ENPEP: variants seen among roughly 807,000 people sequenced by gnomAD.
ENPEP encodes AP-A.
In ENPEP, 103 loss-of-function variants were observed where a neutral mutation model predicts 114.5. That is an observed-to-expected ratio of 0.90 (90% CI 0.77 to 1.06). The LOEUF is 1.06. Ranked by LOEUF, ENPEP falls within the 50% of genes least tolerant of loss-of-function variation. ENPEP has a pLI of 0.00. For missense variants in ENPEP, 1,196 were observed against 1,161.3 expected (o/e 1.03, Z -0.43); for synonymous variants, 420 against 422.0 (o/e 1.00, Z 0.06).
intron 1 of ENPEP, among the ~76,000 whole-genome samples, chr4:110,481,225 A>G (rs1013204736): frequency 2.0e-5 from 3 of 151,666 alleles, no homozygotes; most frequent in African/African-American, 7.3e-5. Context: ...TCTGTTTTGG[A>G]TTTTGTTTTT....
chr4:110,497,962 A>T (rs1005840638), intron 3 of ENPEP, among the ~76,000 whole-genome samples: 13 of 152,366 alleles, frequency 8.5e-5, no homozygotes, highest in Middle Eastern at 3.4e-3. Flanking sequence ...TGGCATGTTC[A>T]GTAATACCAG....
At chr4:110,533,040 A>G (rs976811138) in intron 11 of ENPEP, 4 of 446,954 alleles carry the variant, frequency 8.9e-6, no homozygotes, top group Non-Finnish European at 1.8e-5. Context: ...TTTTCAGTGG[A>G]TTTGGTTTAA....
chr4:110,480,695 C>A (rs957561941), intron 1 of ENPEP, among the ~76,000 whole-genome samples: 2 of 152,146 alleles, frequency 1.3e-5, no homozygotes, highest in African/African-American at 4.8e-5. Context: ...AACTTCACAG[C>A]TACCCAAGTT....
chr4:110,538,363 T>C (rs1267588335), intron 11 of ENPEP, among the ~76,000 whole-genome samples: 1 of 152,360 alleles, frequency 6.6e-6, no homozygotes, highest in East Asian at 1.9e-4. Context: ...TGTTTGGAGA[T>C]GGCTTCTTTC....
intron 11 of ENPEP, among the ~76,000 whole-genome samples, chr4:110,541,339 A>C (rs1726838777): frequency 6.6e-6 from 1 of 152,070 alleles, no homozygotes; most frequent in Non-Finnish European, 1.5e-5. Context: ...ACCTTCCTCT[A>C]TTCTCTACTG....
Position 110,563,113 on chromosome 4 carries a change from A to G in ENPEP, c.*1555A>G, listed in dbSNP as rs1240146330. On this transcript the variant is annotated 3_prime_UTR_variant, in exon 20 of 20. Transcript: ENST00000265162. ...TTTAAATTATTTCAGAAGCAAAAAC[A>G]TATTAACATCATAACTTACCAGAAA... is the stretch of plus-strand genomic sequence containing the variant. 1.3e-5 allele frequency: 2 copies of G among 152,178 alleles called. No individual in the cohort carries two copies. Among genetic ancestry groups the G allele is most frequent in the Non-Finnish European group, 2.9e-5 (2 of 68,010 alleles). 9.4% of individuals were successfully genotyped at this position (152,178 alleles called of 1,614,324 possible). A position where few individuals can be genotyped will look rare whatever the true frequency, so the allele number is the denominator to read the frequency against.
intron 10 of ENPEP, among the ~76,000 whole-genome samples, chr4:110,526,345 C>T (rs1726197483): frequency 6.6e-6 from 1 of 152,124 alleles, no homozygotes. Flanking sequence ...AAGTCTTATA[C>T]ACATGATTTA....
chr4:110,541,167 G>T (rs1726833343), intron 11 of ENPEP, among the ~76,000 whole-genome samples: 1 of 152,058 alleles, frequency 6.6e-6, no homozygotes, highest in Admixed American at 6.6e-5. Flanking sequence ...TGAGGTAAGG[G>T]TTTATAATTT....
At chr4:110,514,466 C>CT (rs1256467212) in intron 7 of ENPEP, among the ~76,000 whole-genome samples, 4 of 151,800 alleles carry the variant, frequency 2.6e-5, no homozygotes, top group African/African-American at 9.7e-5. Context: ...TGAATGATTC[C>CT]TTTTATCTTT....
intron 1 of ENPEP, among the ~76,000 whole-genome samples, chr4:110,484,294 C>T (rs2110333142): frequency 6.6e-6 from 1 of 152,208 alleles, no homozygotes; most frequent in South Asian, 2.1e-4. Flanking sequence ...CAGATGAGGA[C>T]ACTAAAAGTC....
Position 110,561,714 on chromosome 4 carries a change from T to C in ENPEP, c.*156T>C, listed in dbSNP as rs1463521056. 3.0e-6 allele frequency: 2 copies of C among 668,266 alleles called. No homozygotes were observed. Among genetic ancestry groups the C allele is most frequent in the Non-Finnish European group, 4.9e-6 (2 of 411,976 alleles). The allele number at this position is 668,266 out of a possible 1,614,324, so 41.4% of individuals were successfully genotyped here. On this transcript the variant is annotated 3_prime_UTR_variant, in exon 20 of 20. Coordinates refer to ENST00000265162, the MANE Select transcript of ENPEP (RefSeq NM_001977.4). ...TATGTCTTGCAAAGCCTTTAAATTG[T>C]TCCTCTTTGTTTATGAAGAAAGATA... is the stretch of plus-strand genomic sequence containing the variant.
At chr4:110,513,723 TGC>T (rs1578402727) in intron 7 of ENPEP, among the ~76,000 whole-genome samples, 174 bp downstream of exon 7, 1 of 152,340 alleles carries the variant, frequency 6.6e-6, no homozygotes, top group Middle Eastern at 3.4e-3. Flanking sequence ...TATAATTTAG[TGC>T]TGGTCATTGT....
chr4:110,498,643 C>A (rs140513550), intron 3 of ENPEP, among the ~76,000 whole-genome samples: 1 of 152,144 alleles, frequency 6.6e-6, no homozygotes, highest in East Asian at 1.9e-4. Context: ...CAGGGCACAG[C>A]GGGGCTGCGG....
intron 1 of ENPEP, among the ~76,000 whole-genome samples, chr4:110,485,963 C>T (rs1208054296): frequency 1.3e-5 from 2 of 152,064 alleles, no homozygotes; most frequent in Admixed American, 6.5e-5. Context: ...GTCCACCAAG[C>T]GTCTCCATTG....
Position 110,564,003 on chromosome 4 carries a change from G to T in ENPEP, c.*2445G>T, listed in dbSNP as rs1015822146. On this transcript the variant is annotated 3_prime_UTR_variant, in exon 20 of 20. Transcript: ENST00000265162. Reference sequence around the variant, plus strand: ...AAATCTAGAACAATAATTCTCAAAGGGAATTGGGGGATGAGAAGGAAGTAG... The same window carrying T: ...AAATCTAGAACAATAATTCTCAAAGTGAATTGGGGGATGAGAAGGAAGTAG... 5.3e-5 allele frequency: 8 copies of T among 151,888 alleles called. No homozygotes were observed. Among genetic ancestry groups the T allele is most frequent in the Non-Finnish European group, 5.9e-5 (4 of 67,992 alleles). 9.4% of individuals were successfully genotyped at this position (151,888 alleles called of 1,614,324 possible). A position where few individuals can be genotyped will look rare whatever the true frequency, so the allele number is the denominator to read the frequency against.
At chr4:110,504,275 AG>A (rs1187186447) in intron 3 of ENPEP, among the ~76,000 whole-genome samples, 1 of 152,150 alleles carries the variant, frequency 6.6e-6, no homozygotes, top group African/African-American at 2.4e-5. Flanking sequence ...CAGGGGTAAC[AG>A]GGGGTTGTGG....
At position 110,476,752 on chromosome 4, in the gene ENPEP, A is replaced by G. The variant is rs774773801; in HGVS notation, c.338A>G (p.Asp113Gly). The G allele has an allele frequency of 1.2e-6, 2 of 1,614,138 alleles. No individual in the cohort carries two copies. The highest frequency in any genetic ancestry group is 1.7e-6 in the Non-Finnish European group (2 of 1,180,032). ...DLHVKPLLEE[D>G]TYTGTVSISI... ...CACGTGAAGCCCCTGTTGGAGGAGG[A>G]CACCTACACGGGCACCGTGAGCATC... is the stretch of plus-strand genomic sequence containing the variant. Residue 113 changes from aspartate to glycine, a missense_variant, in exon 1 of 20, where the codon GAC becomes GGC. Transcript: ENST00000265162.
At chr4:110,535,654 C>T (rs1016824825) in intron 11 of ENPEP, among the ~76,000 whole-genome samples, 1 of 152,182 alleles carries the variant, frequency 6.6e-6, no homozygotes, top group Non-Finnish European at 1.5e-5. Context: ...ACTCATGTCA[C>T]CTAATTAGGT....
intron 8 of ENPEP, among the ~76,000 whole-genome samples, chr4:110,517,440 A>G (rs1455893059): frequency 6.6e-6 from 1 of 152,212 alleles, no homozygotes; most frequent in African/African-American, 2.4e-5. Context: ...CAGTTTGTAT[A>G]GTTTTGATTC....
Sources: gnomAD v4.1 joint callset for allele counts (sites outside exome capture counted in the v4.1 genomes callset) on GRCh38, gnomAD v4.1.1 for gene constraint, MANE v1.5 for transcripts, NCBI Gene and HGNC (gene_info 2026-07-23, HGNC 2026-07-21) for gene names.